CAPN8: variants seen among roughly 807,000 people sequenced by gnomAD.
The protein encoded by CAPN8 is calpain-8.
A neutral mutation model predicts 80.9 loss-of-function variants in CAPN8; 87 were observed. That is an observed-to-expected ratio of 1.07 (90% CI 0.90 to 1.28). The LOEUF (loss-of-function observed/expected upper bound fraction) is 1.28. Among genes scored for constraint, CAPN8 ranks in the 50% most tolerant of loss-of-function variants. The pLI, the probability that CAPN8 is intolerant of heterozygous loss-of-function variation, is 0.00. For synonymous variants in CAPN8, 299 were observed against 273.8 expected, an observed-to-expected ratio of 1.09 and a Z score of -0.91; for missense variants, 757 against 702.0, an observed-to-expected ratio of 1.08 and a Z score of -0.89.
rs558657814 is a variant in CAPN8 at position 223,542,979 on chromosome 1, C to A, written c.2088+129G>T. ...GCCTTCCTCCCTGCTGGGTGCCTGC[C>A]ACAGAACATGCATGGTATTCACATG... On this transcript the variant is annotated intron_variant, in intron 20 of 20. Transcript: ENST00000366872. 7 of 972,050 alleles carry A rather than the reference C, an allele frequency of 7.2e-6. No homozygotes were observed. The African/African-American group carries it at 1.1e-4, about 16-fold the overall frequency. The allele number at this position is 972,050 out of a possible 1,614,324, so 60.2% of individuals were successfully genotyped here.
chr1:223,614,150 G>A (rs879449757), intron 10 of CAPN8, among the ~76,000 whole-genome samples: 12 of 152,262 alleles, frequency 7.9e-5, no homozygotes, highest in East Asian at 7.7e-4. Flanking sequence ...TTTAATGCCC[G>A]CACTTTGGGA....
intron 10 of CAPN8, among the ~76,000 whole-genome samples, chr1:223,614,105 T>A (rs1372999981): frequency 2.0e-5 from 3 of 152,216 alleles, no homozygotes; most frequent in Non-Finnish European, 2.9e-5. Context: ...TCTGGTTATA[T>A]AAGGTAGGCC....
intron 6 of CAPN8, among the ~76,000 whole-genome samples, chr1:223,623,661 T>A (rs1046832058): frequency 3.3e-5 from 5 of 152,152 alleles, no homozygotes; most frequent in Admixed American, 6.5e-5. Flanking sequence ...AATGTTTGCA[T>A]GTACATGTTC....
chr1:223,630,792 T>C (rs1657752211), intron 2 of CAPN8, among the ~76,000 whole-genome samples: 1 of 152,134 alleles, frequency 6.6e-6, no homozygotes, highest in Non-Finnish European at 1.5e-5. Context: ...ACAGAGTTGA[T>C]GTGGATGGGC....
intron 11 of CAPN8, among the ~76,000 whole-genome samples, chr1:223,611,026 C>CG (rs1257389137): frequency 6.6e-6 from 1 of 151,834 alleles, no homozygotes; most frequent in Non-Finnish European, 1.5e-5. Flanking sequence ...CCTGAAGGCC[C>CG]CCCGGCACTC....
chr1:223,609,615 G>A (rs1157784643), intron 11 of CAPN8, among the ~76,000 whole-genome samples: 1 of 152,182 alleles, frequency 6.6e-6, no homozygotes, highest in African/African-American at 2.4e-5. Context: ...GGCCTCCCCA[G>A]TTAAACGAAG....
intron 10 of CAPN8, 37 bp from the exon 11 acceptor site, chr1:223,612,294 C>G (rs1242454877): frequency 8.1e-7 from 1 of 1,234,004 alleles, no homozygotes; most frequent in African/African-American, 1.6e-5. Flanking sequence ...CACCTGAGAG[C>G]TCCAAGGTCC....
chr1:223,550,129 G>A (rs892622959), intron 15 of CAPN8, among the ~76,000 whole-genome samples: 3 of 152,066 alleles, frequency 2.0e-5, no homozygotes, highest in African/African-American at 7.2e-5. Context: ...ATATACCTGG[G>A]AGCCAAGACA....
chr1:223,609,034 A>G, intron 12 of CAPN8, 119 bp downstream of exon 12: 1 of 395,386 alleles, frequency 2.5e-6, no homozygotes, highest in Non-Finnish European at 4.4e-6. Flanking sequence ...GTAGTTTCTT[A>G]GAGGCTTCTT....
intron 2 of CAPN8, among the ~76,000 whole-genome samples, chr1:223,654,037 T>C (rs1201843770): frequency 6.6e-6 from 1 of 152,172 alleles, no homozygotes; most frequent in Non-Finnish European, 1.5e-5. Flanking sequence ...AGCACAGATA[T>C]CTACTCTACG....
chr1:223,646,983 C>A lies in CAPN8; in HGVS notation c.307+7347G>T, dbSNP rs575364177. Reference sequence around the variant, plus strand: ...CTCAGGCAGCTCAGCCAAGCGGGAGCTCAGAGAGCACCCCCTGGCCTGGCA... The same window carrying A: ...CTCAGGCAGCTCAGCCAAGCGGGAGATCAGAGAGCACCCCCTGGCCTGGCA... On this transcript the variant is annotated intron_variant, in intron 2 of 20. Transcript: ENST00000366872. Among the ~76,000 whole-genome samples, 4 of 152,326 alleles carry A rather than the reference C, an allele frequency of 2.6e-5. No homozygotes were observed. The South Asian group carries it at 8.3e-4, about 32-fold the overall frequency.
intron 3 of CAPN8, among the ~76,000 whole-genome samples, chr1:223,628,399 C>T (rs755574576): frequency 1.3e-5 from 2 of 152,206 alleles, no homozygotes; most frequent in Admixed American, 6.5e-5. Flanking sequence ...GATTCAGACC[C>T]ACACCTCCTG....
chr1:223,545,386 T>C, intron 16 of CAPN8, 87 bp from the exon 17 acceptor site: 2 of 1,540,828 alleles, frequency 1.3e-6, no homozygotes, highest in East Asian at 4.9e-5. Context: ...ATGAGTGCCT[T>C]AAGGCCTTAG....
chr1:223,650,395 A>T (rs1397193059), intron 2 of CAPN8, among the ~76,000 whole-genome samples: 1 of 152,138 alleles, frequency 6.6e-6, no homozygotes, highest in Non-Finnish European at 1.5e-5. Flanking sequence ...TGGGGCCCTG[A>T]CCCAGGCTGG....
At chr1:223,557,239 A>C (rs1189320840) in intron 13 of CAPN8, among the ~76,000 whole-genome samples, 2 of 16,622 alleles carry the variant, frequency 1.2e-4, no homozygotes, top group Non-Finnish European at 3.0e-4. Context: ...AATTTGACAC[A>C]TGTCAAATCA....
intron 9 of CAPN8, 59 bp downstream of exon 9, chr1:223,619,234 G>T (rs1258749059): frequency 6.6e-7 from 1 of 1,523,426 alleles, no homozygotes; most frequent in Non-Finnish European, 8.8e-7. Context: ...TACATAAAAT[G>T]ACCCAGCTCA....
At position 223,541,758 on chromosome 1, in the gene CAPN8, G is replaced by A; in HGVS notation, c.*78C>T. 5 of 1,550,192 alleles carry A rather than the reference G, an allele frequency of 3.2e-6. No homozygotes were observed. In the South Asian group the frequency reaches 6.0e-5, roughly 18 times the overall value. On this transcript the variant is annotated 3_prime_UTR_variant, in exon 21 of 21. Coordinates refer to ENST00000366872, the MANE Select transcript of CAPN8 (RefSeq NM_001143962.2). ...CAGTGAATGCCACTGGAGCATAAAT[G>A]TTCACAAAATTGTAGAGAAGGGGTG...
chr1:223,624,784 C>T (rs1449863018), intron 6 of CAPN8, among the ~76,000 whole-genome samples: 1 of 151,868 alleles, frequency 6.6e-6, no homozygotes, highest in African/African-American at 2.4e-5. Context: ...TGAAAGAAGA[C>T]ACAATGTAGG....
intron 9 of CAPN8, among the ~76,000 whole-genome samples, chr1:223,618,726 G>A (rs926052758): frequency 1.3e-5 from 2 of 152,232 alleles, no homozygotes; most frequent in South Asian, 2.1e-4. Context: ...TTGCGGGCAG[G>A]GCAGGTGGGT....
Sources: gnomAD v4.1 joint callset for allele counts (sites outside exome capture counted in the v4.1 genomes callset) on GRCh38, gnomAD v4.1.1 for gene constraint, MANE v1.5 for transcripts, NCBI Gene and HGNC (gene_info 2026-07-23, HGNC 2026-07-21) for gene names.